The following NAV2 variants were observed in gnomAD, a reference collection of about 807,000 sequenced individuals.
The protein encoded by NAV2 is helicase, APC down-regulated 1.
A neutral mutation model predicts 223.2 loss-of-function variants in NAV2; 54 were observed. That is an observed-to-expected ratio of 0.24 (90% CI 0.19 to 0.30). The LOEUF is 0.30. NAV2 is among the 10% of genes least tolerant of loss of function. The pLI is 1.00. For missense variants in NAV2, 2,806 were observed against 3,147.5 expected (o/e 0.89, Z 2.60); for synonymous variants, 1,279 against 1,239.3 (o/e 1.03, Z -0.67).
chr11:19,946,523 G>T lies in NAV2; in HGVS notation c.2255+14G>T, dbSNP rs752701671. 1.2e-6 allele frequency: 2 copies of T among 1,602,104 alleles called. No individual in the cohort carries two copies. The highest frequency in any genetic ancestry group is 4.5e-5 in the East Asian group (2 of 44,618). On this transcript the variant is annotated intron_variant, in intron 9 of 37. Coordinates refer to ENST00000349880, the MANE Select transcript of NAV2 (RefSeq NM_145117.5). ...GGTTACACACAGGTATCTGCAGTGT[G>T]AATTACTTTACTGAACTACCTGGTA... is the stretch of plus-strand genomic sequence containing the variant.
intron 10 of NAV2, chr11:19,981,427 G>A (rs1468337979): frequency 6.6e-6 from 1 of 152,186 alleles, no homozygotes; most frequent in Non-Finnish European, 1.5e-5. Context: ...TTCTGTACAT[G>A]TGGGCCTTGT....
chr11:19,922,946 A>G lies in NAV2; in HGVS notation c.932-10230A>G, dbSNP rs540077181. 3.9e-5 allele frequency among the ~76,000 whole-genome samples: 6 copies of G among 152,326 alleles called. No homozygotes were observed. The East Asian group carries it at 1.2e-3, about 29-fold the overall frequency. Reference sequence around the variant, plus strand: ...ACAGTGAACCTAACTGTTGATAGAAATCTTTTTAGGCATACTTCTGCCTGG... The same window carrying G: ...ACAGTGAACCTAACTGTTGATAGAAGTCTTTTTAGGCATACTTCTGCCTGG... On this transcript the variant is annotated intron_variant, in intron 6 of 37. Coordinates refer to ENST00000349880, the MANE Select transcript of NAV2 (RefSeq NM_145117.5).
chr11:19,381,743 G>A (rs1173516347), intron 1 of NAV2, among the ~76,000 whole-genome samples: 2 of 152,198 alleles, frequency 1.3e-5, no homozygotes, highest in Non-Finnish European at 2.9e-5. Flanking sequence ...GGCAAATGTG[G>A]CCATTTGGTT....
intron 1 of NAV2, among the ~76,000 whole-genome samples, chr11:19,409,391 C>T (rs1228024330): frequency 6.6e-6 from 1 of 152,214 alleles, no homozygotes; most frequent in Admixed American, 6.5e-5. Context: ...CTTCTCATCA[C>T]TCCCAGTCAC....
chr11:19,365,273 T>C (rs1848238208), intron 1 of NAV2, among the ~76,000 whole-genome samples: 2 of 152,362 alleles, frequency 1.3e-5, no homozygotes, highest in South Asian at 4.1e-4. Flanking sequence ...TTTCTATCCA[T>C]TTGAAACCTT....
At chr11:20,052,942 TGCGGTGGCTCATGCCTG>T (rs2058105265) in intron 17 of NAV2, among the ~76,000 whole-genome samples, 1 of 151,906 alleles carries the variant, frequency 6.6e-6, no homozygotes, top group Admixed American at 6.6e-5. Flanking sequence ...GCAGGCCAGG[TGCGGTGGCTCATGCCTG>T]TAATCCTAGC....
In NAV2 at chr11:19,425,367, G is replaced by A. The variant is rs561772557; in HGVS notation, c.75+74340G>A. Among the ~76,000 whole-genome samples the A allele has an allele frequency of 5.9e-5, 9 of 152,298 alleles. No homozygotes were observed. In the South Asian group the frequency reaches 1.9e-3, roughly 32 times the overall value. On this transcript the variant is annotated intron_variant, in intron 1 of 37. Transcript: ENST00000360655. ...ACAAACATGCTTTACCATGGACATTGATCATGCTCTTCCCTTCTTCATGAA... is the reference window on the plus strand; with the variant it reads ...ACAAACATGCTTTACCATGGACATTAATCATGCTCTTCCCTTCTTCATGAA...
At chr11:20,108,402 G>A (rs1451546567) in intron 36 of NAV2, among the ~76,000 whole-genome samples, 1 of 152,076 alleles carries the variant, frequency 6.6e-6, no homozygotes, top group Non-Finnish European at 1.5e-5. Context: ...GGCCCATAAG[G>A]CTGCCAGTTC....
At chr11:19,946,661 G>A (rs1454373595) in intron 9 of NAV2, 152 bp downstream of exon 9, 1 of 706,600 alleles carries the variant, frequency 1.4e-6, no homozygotes, top group Non-Finnish European at 2.4e-6. Flanking sequence ...CATATGACAT[G>A]CAGAAGAGAG....
chr11:19,620,451 A>C (rs1215583295), intron 1 of NAV2, among the ~76,000 whole-genome samples: 1 of 152,056 alleles, frequency 6.6e-6, no homozygotes, highest in Non-Finnish European at 1.5e-5. Context: ...AGTGGTTTGT[A>C]GTTCTCCTTG....
chr11:19,385,830 C>G (rs1005691250), intron 1 of NAV2, among the ~76,000 whole-genome samples: 37 of 141,420 alleles, frequency 2.6e-4, no homozygotes, highest in African/African-American at 1.0e-3. Context: ...GGCACGATCT[C>G]GGCTCACTGC....
intron 1 of NAV2, among the ~76,000 whole-genome samples, chr11:19,764,727 A>G (rs999505735): frequency 6.6e-6 from 1 of 152,212 alleles, no homozygotes; most frequent in Admixed American, 6.5e-5. Context: ...ATGAATGTAT[A>G]TATAAATGTC....
chr11:19,673,890 C>T (rs148837309), intron 1 of NAV2, among the ~76,000 whole-genome samples: 23 of 152,240 alleles, frequency 1.5e-4, no homozygotes, highest in Admixed American at 4.6e-4. Flanking sequence ...CTTGAATTTC[C>T]CACCTGCCCT....
intron 1 of NAV2, among the ~76,000 whole-genome samples, chr11:19,781,023 T>A (rs192035673): frequency 6.6e-6 from 1 of 152,346 alleles, no homozygotes; most frequent in African/African-American, 2.4e-5. Context: ...TAACATGTGT[T>A]GAACCTTTAC....
At chr11:19,587,946 A>T (rs1590618618) in intron 1 of NAV2, among the ~76,000 whole-genome samples, 1 of 152,246 alleles carries the variant, frequency 6.6e-6, no homozygotes, top group Non-Finnish European at 1.5e-5. Context: ...GTGATATGCA[A>T]ATAGAGTGCC....
At chr11:19,442,415 C>T (rs1052761370) in intron 1 of NAV2, among the ~76,000 whole-genome samples, 13 of 152,150 alleles carry the variant, frequency 8.5e-5, no homozygotes, top group African/African-American at 2.2e-4. Flanking sequence ...AGGATAATTA[C>T]GTCTGTGGGT....
chr11:19,463,207 G>A (rs533621841), intron 1 of NAV2, among the ~76,000 whole-genome samples: 1 of 152,202 alleles, frequency 6.6e-6, no homozygotes, highest in African/African-American at 2.4e-5. Context: ...TGTTAGCTTG[G>A]TATTTAATGG....
At chr11:19,717,400 A>G (rs2050392240) in intron 1 of NAV2, among the ~76,000 whole-genome samples, 1 of 152,268 alleles carries the variant, frequency 6.6e-6, no homozygotes, top group Non-Finnish European at 1.5e-5. Flanking sequence ...GGAAAGGCCA[A>G]GATGGCTGGA....
chr11:19,775,652 G>A (rs1296371554), intron 1 of NAV2, among the ~76,000 whole-genome samples: 1 of 152,208 alleles, frequency 6.6e-6, no homozygotes, highest in Non-Finnish European at 1.5e-5. Flanking sequence ...CAATGACGAT[G>A]AGACAACAGT....
Sources: gnomAD v4.1 joint callset for allele counts (sites outside exome capture counted in the v4.1 genomes callset) on GRCh38, gnomAD v4.1.1 for gene constraint, MANE v1.5 for transcripts, NCBI Gene and HGNC (gene_info 2026-07-23, HGNC 2026-07-21) for gene names.